The following WNT9B variants were observed in gnomAD, a reference collection of about 807,000 sequenced individuals.
The protein encoded by WNT9B is Wnt family member 9B.
Under a neutral mutation model 30.2 loss-of-function variants are expected in WNT9B, and 12 were observed. That is an observed-to-expected ratio of 0.40 (90% CI 0.26 to 0.64). The LOEUF is 0.64. WNT9B is among the 30% of genes least tolerant of loss of function. The probability of loss-of-function intolerance (pLI) is 0.42; values close to 1 mark genes in which losing one functional copy is unlikely to be tolerated. For missense variants in WNT9B, 442 were observed against 485.2 expected (o/e 0.91, Z 0.84); for synonymous variants, 218 against 216.9 (o/e 1.01, Z -0.05).
At chr17:46,841,478 G>A (rs1432595868) in intron 1 of WNT9B, among the ~76,000 whole-genome samples, 1 of 152,244 alleles carries the variant, frequency 6.6e-6, no homozygotes, top group African/African-American at 2.4e-5. Context: ...GAATCCGAAA[G>A]AAAGAGGCCC....
intron 2 of WNT9B, among the ~76,000 whole-genome samples, chr17:46,874,005 A>G (rs544941034): frequency 7.4e-4 from 112 of 151,688 alleles, no homozygotes; most frequent in Admixed American, 2.1e-3. Context: ...AAAAAAAAAA[A>G]AATGCAGTGA....
At chr17:46,847,539 AGG>A (rs1568117069), upstream of WNT9B, among the ~76,000 whole-genome samples, 1 of 152,214 alleles carries the variant, frequency 6.6e-6, no homozygotes, top group East Asian at 1.9e-4. Flanking sequence ...CAAGAAGGCC[AGG>A]TCACCTGGAG....
In WNT9B at chr17:46,876,815, C is replaced by T. The variant is rs1186131606; in HGVS notation, c.*97C>T. 4.2e-6 allele frequency: 6 copies of T among 1,445,042 alleles called. No homozygotes were observed. The highest frequency in any genetic ancestry group is 1.8e-6 in the Non-Finnish European group (2 of 1,095,070). 89.5% of individuals were successfully genotyped at this position (1,445,042 alleles called of 1,614,324 possible). ...CCTCTGGGCAGACTGTCATCACATG[C>T]ATGCATAAACCGGCATGTGTGCCAA... On this transcript the variant is annotated 3_prime_UTR_variant, in exon 4 of 4. Transcript: ENST00000290015.
rs759340149 is a variant in WNT9B at position 46,876,664 on chromosome 17, C to T, written c.1020C>T (p.Tyr340=). 2.5e-5 allele frequency: 40 copies of T among 1,596,470 alleles called. No individual in the cohort carries two copies. The highest frequency in any genetic ancestry group is 7.8e-5 in the South Asian group (7 of 89,278). ...SCHCQVQWCC[Y]VECQQCVQEE... ...ACTGCCAGGTGCAGTGGTGCTGCTA[C>T]GTGGAGTGCCAGCAATGTGTGCAGG... Residue 340 remains tyrosine, a synonymous_variant, in exon 4 of 4, where the codon TAC becomes TAT. Transcript: ENST00000290015.
intron 1 of WNT9B, among the ~76,000 whole-genome samples, chr17:46,839,040 G>A (rs2084667707): frequency 6.6e-6 from 1 of 152,112 alleles, no homozygotes; most frequent in South Asian, 2.1e-4. Context: ...ACCATGCCCA[G>A]CTAATTTTTG....
chr17:46,840,000 C>CTTCTTTCTTTCTTTCT (rs71138556), intron 1 of WNT9B, among the ~76,000 whole-genome samples: 16 of 125,198 alleles, frequency 1.3e-4, no homozygotes, highest in African/African-American at 5.2e-4. Context: ...TTTTTTCTTT[C>CTTCTTTCTTTCTTTCT]TTCTTTCTTT....
At chr17:46,844,556 G>T (rs921220413) in intron 1 of WNT9B, among the ~76,000 whole-genome samples, 1 of 152,024 alleles carries the variant, frequency 6.6e-6, no homozygotes, top group African/African-American at 2.4e-5. Flanking sequence ...TGTGGTGGTG[G>T]CCGATTTCTA....
At chr17:46,840,205 G>A (rs1418063924) in intron 1 of WNT9B, among the ~76,000 whole-genome samples, 1 of 151,720 alleles carries the variant, frequency 6.6e-6, no homozygotes, top group East Asian at 1.9e-4. Flanking sequence ...TCCTGCCTTA[G>A]CCTCCCGAGT....
rs768924139 is a variant in WNT9B at position 46,876,553 on chromosome 17, G to T, written c.909G>T (p.Arg303Ser). Residue 303 changes from arginine (R) to serine (S), a missense_variant, in exon 4 of 4, where the codon AGG becomes AGT. Arg to Ser is a moderately radical substitution (Grantham distance 110, BLOSUM62 -1). Coordinates refer to ENST00000290015, the MANE Select transcript of WNT9B (RefSeq NM_003396.3). The part of the protein sequence containing the change: ...PSKYSPGTAG[R>S]VCSREASCSS... ...AGTACTCACCTGGCACAGCAGGTAG[G>T]GTGTGCTCCCGGGAGGCCAGCTGCA... 1 of 1,613,634 alleles carries T rather than the reference G, an allele frequency of 6.2e-7. No homozygotes were observed. The highest frequency in any genetic ancestry group is 1.1e-5 in the South Asian group (1 of 91,084).
At chr17:46,842,810 T>C (rs2084731767) in intron 1 of WNT9B, among the ~76,000 whole-genome samples, 1 of 152,236 alleles carries the variant, frequency 6.6e-6, no homozygotes, top group Non-Finnish European at 1.5e-5. Context: ...ACAGAAGCTA[T>C]GAGAAAATCA....
intron 1 of WNT9B, among the ~76,000 whole-genome samples, chr17:46,852,084 G>A (rs1181569349): frequency 6.6e-6 from 1 of 152,234 alleles, no homozygotes; most frequent in Non-Finnish European, 1.5e-5. Flanking sequence ...GGATCCTCAC[G>A]CCGGTGCCCT....
upstream of WNT9B, among the ~76,000 whole-genome samples, chr17:46,850,264 G>A (rs182439730): frequency 6.6e-6 from 1 of 152,152 alleles, no homozygotes; most frequent in Non-Finnish European, 1.5e-5. Flanking sequence ...CATTACATTG[G>A]GCCATGTGGC....
chr17:46,873,822 T>A (rs1047919404), intron 2 of WNT9B, among the ~76,000 whole-genome samples: 5 of 151,936 alleles, frequency 3.3e-5, no homozygotes, highest in Admixed American at 6.6e-5. Flanking sequence ...AAACCCCATC[T>A]CTACTAAAAA....
chr17:46,846,822 C>G (rs117053124), upstream of WNT9B, among the ~76,000 whole-genome samples: 206 of 152,264 alleles, frequency 1.4e-3, no homozygotes, highest in Non-Finnish European at 2.3e-3. Flanking sequence ...GAGAAGGCCT[C>G]GAACTGGAAG....
chr17:46,834,272 C>T (rs1437037608), intron 1 of WNT9B, among the ~76,000 whole-genome samples: 2 of 152,200 alleles, frequency 1.3e-5, no homozygotes, highest in African/African-American at 2.4e-5. Flanking sequence ...GACGGATTTG[C>T]CAACTCTCAG....
chr17:46,837,275 G>GC (rs1165328327), intron 1 of WNT9B, among the ~76,000 whole-genome samples: 3 of 152,094 alleles, frequency 2.0e-5, no homozygotes, highest in Admixed American at 2.0e-4. Context: ...TATTTGTTTT[G>GC]CCCCCTTCAT....
intron 1 of WNT9B, among the ~76,000 whole-genome samples, chr17:46,853,643 C>G (rs1410956432): frequency 6.6e-6 from 1 of 152,180 alleles, no homozygotes; most frequent in African/African-American, 2.4e-5. Flanking sequence ...GCTGGGATTA[C>G]AGGCATGAGC....
chr17:46,884,044 C>T (rs929634485), downstream of WNT9B, among the ~76,000 whole-genome samples: 3 of 152,062 alleles, frequency 2.0e-5, no homozygotes, highest in Admixed American at 6.5e-5. Flanking sequence ...TGGTGGAGGC[C>T]GGGCAGAGGC....
At chr17:46,872,300 G>C (rs1011126816) in intron 1 of WNT9B, among the ~76,000 whole-genome samples, 1 of 152,238 alleles carries the variant, frequency 6.6e-6, no homozygotes, top group Non-Finnish European at 1.5e-5. Context: ...AAGAAGAGCA[G>C]AGACCGGAAT....
Sources: allele counts gnomAD v4.1 joint callset (sites outside exome capture counted in the v4.1 genomes callset), GRCh38; gene constraint gnomAD v4.1.1; transcripts MANE v1.5; gene names NCBI Gene and HGNC (gene_info 2026-07-23, HGNC 2026-07-21).